POTEC: variants seen among roughly 807,000 people sequenced by gnomAD.
POTEC encodes the protein POTE ankyrin domain family member C.
In POTEC, 35 loss-of-function variants were observed where a neutral mutation model predicts 62.0. That is an observed-to-expected ratio of 0.56 (90% CI 0.43 to 0.75). POTEC has a LOEUF of 0.75. Among genes scored for constraint, POTEC ranks in the 30% least tolerant of loss-of-function variants. The pLI, the probability that POTEC is intolerant of heterozygous loss-of-function variation, is 0.00. For synonymous variants in POTEC, 156 were observed against 221.5 expected (o/e 0.70, Z 2.62); for missense variants, 472 against 655.9 (o/e 0.72, Z 3.06).
In POTEC at chr18:14,537,945, C is replaced by T; in HGVS notation, c.666G>A (p.Val222=). The change falls in exon 3 of 11, where the codon GTG becomes GTA. Residue 222 remains valine (V), a synonymous_variant. Transcript: ENST00000358970. ...CAGCGCCATGTTCCAGCAACATTAA[C>T]ACACATTCATCTTCCTGGCATTGTA... ...KAVQCQEDEC[V]LMLLEHGADQ... is the part of the protein sequence containing the mutation. 3 of 1,612,504 alleles carry T rather than the reference C, an allele frequency of 1.9e-6. No homozygotes were observed. In the South Asian group the frequency reaches 3.3e-5, roughly 18 times the overall value.
chr18:14,517,414 C>G (rs995301424), intron 9 of POTEC, among the ~76,000 whole-genome samples: 16 of 152,192 alleles, frequency 1.1e-4, no homozygotes, highest in African/African-American at 3.4e-4. Context: ...CCTGCTCCAT[C>G]AGAATAGACA....
intron 3 of POTEC, among the ~76,000 whole-genome samples, chr18:14,537,295 T>C (rs533499841): frequency 6.6e-6 from 1 of 151,934 alleles, no homozygotes; most frequent in Non-Finnish European, 1.5e-5. Flanking sequence ...TATTTCTGAT[T>C]GCTGCATTTT....
intron 9 of POTEC, among the ~76,000 whole-genome samples, chr18:14,515,317 G>A (rs1249762105): frequency 6.6e-6 from 1 of 152,166 alleles, no homozygotes; most frequent in Non-Finnish European, 1.5e-5. Flanking sequence ...TAAGGCCACA[G>A]TAACAAACAT....
Position 14,543,056 on chromosome 18 carries a change from G to C in POTEC, c.91C>G (p.Arg31Gly). 6.2e-7 allele frequency: 1 copy of C among 1,605,632 alleles called. No individual in the cohort carries two copies. The highest frequency in any genetic ancestry group is 8.5e-7 in the Non-Finnish European group (1 of 1,174,234). Residue 31 changes from arginine to glycine, a missense_variant, in exon 1 of 11, where the codon CGC becomes GGC. Physicochemically the swap from Arg to Gly is moderately radical, Grantham distance 125. Coordinates refer to ENST00000358970, the MANE Select transcript of POTEC (RefSeq NM_001137671.2). ...RSKMGKWFHH[R>G]FPCCKGSGKS... ...CCGCTCCCCTTGCAGCAGGGGAAGCGGTGGTGAAACCACTTGCCCATCTTG... is the reference window on the plus strand; with the variant it reads ...CCGCTCCCCTTGCAGCAGGGGAAGCCGTGGTGAAACCACTTGCCCATCTTG...
intron 8 of POTEC, among the ~76,000 whole-genome samples, chr18:14,522,984 CTGAA>C (rs1910348866): frequency 6.6e-6 from 1 of 150,704 alleles, no homozygotes; most frequent in South Asian, 2.1e-4. Context: ...ATGGTGCTCA[CTGAA>C]ACATGAAAAC....
In POTEC at chr18:14,537,800, C is replaced by G; in HGVS notation, c.810+1G>C. On this transcript the variant is annotated splice_donor_variant, in intron 3 of 10. Coordinates refer to ENST00000358970, the MANE Select transcript of POTEC (RefSeq NM_001137671.2). LOFTEE classifies it high-confidence loss of function. ...TGAAGATAAAATTGGTAGATCTATACCTTGTTTTTTGATTCAATATCAGCA... is the reference window on the plus strand; with the variant it reads ...TGAAGATAAAATTGGTAGATCTATAGCTTGTTTTTTGATTCAATATCAGCA... 2 of 1,610,654 alleles carry G rather than the reference C, an allele frequency of 1.2e-6. No individual in the cohort carries two copies. Among genetic ancestry groups the G allele is most frequent in the Non-Finnish European group, 1.7e-6 (2 of 1,179,032 alleles).
At chr18:14,513,816 T>C (rs1294337787) in intron 9 of POTEC, 31 bp from the exon 10 acceptor site, 1 of 1,604,882 alleles carries the variant, frequency 6.2e-7, no homozygotes, top group African/African-American at 1.3e-5. Flanking sequence ...CATGAAATAC[T>C]GGAGGTGTCC....
At chr18:14,527,236 A>T (rs1910459554) in intron 6 of POTEC, among the ~76,000 whole-genome samples, 1 of 152,114 alleles carries the variant, frequency 6.6e-6, no homozygotes, top group Admixed American at 6.6e-5. Context: ...TATACAAAAA[A>T]CACTCTTTCT....
chr18:14,526,834 T>C (rs1333408967), intron 6 of POTEC, among the ~76,000 whole-genome samples: 1 of 152,140 alleles, frequency 6.6e-6, no homozygotes, highest in East Asian at 1.9e-4. Flanking sequence ...GTCCTATCTG[T>C]ATTTAGATGT....
At chr18:14,536,235 A>G (rs1905709744) in intron 3 of POTEC, among the ~76,000 whole-genome samples, 1 of 144,218 alleles carries the variant, frequency 6.9e-6, no homozygotes, top group African/African-American at 2.6e-5. Flanking sequence ...AAAAACAAAC[A>G]AAAATTTAGA....
intron 9 of POTEC, among the ~76,000 whole-genome samples, chr18:14,517,641 C>T (rs1003849111): frequency 1.3e-5 from 2 of 152,044 alleles, no homozygotes; most frequent in African/African-American, 4.8e-5. Flanking sequence ...GTGGGTGGAT[C>T]ACCTGAGGTA....
intron 9 of POTEC, among the ~76,000 whole-genome samples, chr18:14,515,882 C>T (rs1415895440): frequency 1.3e-5 from 2 of 151,750 alleles, no homozygotes; most frequent in East Asian, 3.9e-4. Context: ...ATAGACATTG[C>T]TCAAAAGAAG....
In POTEC at chr18:14,509,407, T is replaced by G. The variant is rs941572616; in HGVS notation, c.*2491A>C. 6 of 151,850 alleles carry G rather than the reference T, an allele frequency of 4.0e-5. No homozygotes were observed. Among genetic ancestry groups the G allele is most frequent in the Non-Finnish European group, 7.4e-5 (5 of 67,968 alleles). 9.4% of individuals were successfully genotyped at this position (151,850 alleles called of 1,614,324 possible). A position where few individuals can be genotyped will look rare whatever the true frequency, so the allele number is the denominator to read the frequency against. ...CTAGCAGGGGTGGGGTTTTTGGTTC[T>G]GTGCCCACCATGGCTTCATCTTCAG... On this transcript the variant is annotated 3_prime_UTR_variant, in exon 11 of 11. Coordinates refer to ENST00000358970, the MANE Select transcript of POTEC (RefSeq NM_001137671.2).
At chr18:14,536,351 C>T (rs1197035631) in intron 3 of POTEC, among the ~76,000 whole-genome samples, 1 of 150,834 alleles carries the variant, frequency 6.6e-6, no homozygotes, top group African/African-American at 2.4e-5. Flanking sequence ...ACATATTACA[C>T]TTATGTATTC....
At chr18:14,518,726 A>G (rs1219898816) in intron 9 of POTEC, among the ~76,000 whole-genome samples, 1 of 146,262 alleles carries the variant, frequency 6.8e-6, no homozygotes, top group African/African-American at 2.6e-5. Context: ...GGAAAGAGAA[A>G]GCTAGGAGGA....
chr18:14,529,400 G>C (rs1905424745), intron 6 of POTEC, among the ~76,000 whole-genome samples: 1 of 151,998 alleles, frequency 6.6e-6, no homozygotes, highest in African/African-American at 2.4e-5. Context: ...ATGAAATAGA[G>C]ACAGCTCTAC....
chr18:14,542,086 G>T (rs1434765418), intron 1 of POTEC, among the ~76,000 whole-genome samples: 6 of 149,284 alleles, frequency 4.0e-5, no homozygotes, highest in African/African-American at 1.5e-4. Context: ...TTATGTAAAA[G>T]TGATAAACAC....
At position 14,542,868 on chromosome 18, in the gene POTEC, C is replaced by T. The variant is rs200779556; in HGVS notation, c.279G>A (p.Thr93=). Residue 93 remains threonine, a synonymous_variant, in exon 1 of 11, where the codon ACG becomes ACA. Transcript: ENST00000358970. Reference sequence around the variant, plus strand: ...ACCACTTGCCCATCTTGCTCCTGAGCGTCTTCATAAAGGAGTTGTCATGGT... The same window carrying T: ...ACCACTTGCCCATCTTGCTCCTGAGTGTCTTCATAAAGGAGTTGTCATGGT... The part of the protein sequence containing the change: ...SGDHDNSFMK[T]LRSKMGKWCC... The T allele has an allele frequency of 2.6e-5, 34 of 1,307,324 alleles. No individual in the cohort carries two copies. The Admixed American group carries it at 5.2e-4, about 20-fold the overall frequency. The allele number at this position is 1,307,324 out of a possible 1,614,324, so 81.0% of individuals were successfully genotyped here. A position where few individuals can be genotyped will look rare whatever the true frequency, so the allele number is the denominator to read the frequency against.
chr18:14,531,647 A>C (rs1346774171), intron 5 of POTEC: 2 of 151,854 alleles, frequency 1.3e-5, no homozygotes, highest in Non-Finnish European at 2.9e-5. Flanking sequence ...CTAGTCAGCA[A>C]ATAGTGAAAT....
Sources: gnomAD v4.1 joint callset for allele counts (sites outside exome capture counted in the v4.1 genomes callset) on GRCh38, gnomAD v4.1.1 for gene constraint, MANE v1.5 for transcripts, NCBI Gene and HGNC (gene_info 2026-07-23, HGNC 2026-07-21) for gene names.